Variants in DSCAM observed in about 807,000 individuals in gnomAD.
DSCAM encodes cell adhesion molecule DSCAM.
In DSCAM, 47 loss-of-function variants were observed where a neutral mutation model predicts 217.7. The ratio of observed to expected loss-of-function variants is 0.22; its 90% CI spans 0.17 to 0.28. The LOEUF is 0.28. Ranked by LOEUF, DSCAM falls within the 10% of genes least tolerant of loss-of-function variation. The pLI is 1.00. For missense variants in DSCAM, 2,080 were observed against 2,618.3 expected, an observed-to-expected ratio of 0.79 and a Z score of 4.49; for synonymous variants, 1,056 against 1,015.3, an observed-to-expected ratio of 1.04 and a Z score of -0.76.
At chr21:40,086,617 T>TTAAAAAGTTATATGGACAGACCA (rs2089535727) in intron 22 of DSCAM, among the ~76,000 whole-genome samples, 1 of 152,160 alleles carries the variant, frequency 6.6e-6, no homozygotes, top group Admixed American at 6.5e-5. Flanking sequence ...ATATAGCACT[T>TTAAAAAGTTATATGGACAGACCA]TAAAAAGTTA....
intron 1 of DSCAM, among the ~76,000 whole-genome samples, chr21:40,840,246 T>A (rs570209153): frequency 6.6e-6 from 1 of 152,166 alleles, no homozygotes; most frequent in Non-Finnish European, 1.5e-5. Context: ...AAAAAACCCA[T>A]AAATCCATAG....
chr21:40,684,365 C>G (rs180971013), intron 3 of DSCAM, among the ~76,000 whole-genome samples: 1 of 152,204 alleles, frequency 6.6e-6, no homozygotes, highest in Non-Finnish European at 1.5e-5. Flanking sequence ...GACGCGGTTG[C>G]TGAGGAGAGA....
intron 3 of DSCAM, among the ~76,000 whole-genome samples, chr21:40,672,390 T>C (rs1034084581): frequency 6.6e-6 from 1 of 152,182 alleles, no homozygotes; most frequent in Non-Finnish European, 1.5e-5. Flanking sequence ...CCTGTGTCTC[T>C]TTTTGCTTCA....
At chr21:40,083,333 G>C (rs1601313292) in intron 24 of DSCAM, among the ~76,000 whole-genome samples, 3 of 152,216 alleles carry the variant, frequency 2.0e-5, no homozygotes, top group Admixed American at 2.0e-4. Flanking sequence ...GGAGGTTGAG[G>C]CAGAAGAATC....
intron 3 of DSCAM, among the ~76,000 whole-genome samples, chr21:40,581,911 A>G (rs1196685453): frequency 6.6e-6 from 1 of 152,252 alleles, no homozygotes; most frequent in Non-Finnish European, 1.5e-5. Context: ...TTTCAATTCC[A>G]AAGTCAAATT....
At chr21:40,517,039 A>G (rs2076306422) in intron 3 of DSCAM, among the ~76,000 whole-genome samples, 1 of 147,798 alleles carries the variant, frequency 6.8e-6, no homozygotes, top group Non-Finnish European at 1.5e-5. Flanking sequence ...GTATATATAT[A>G]TATACCTTAT....
At chr21:40,782,017 A>G (rs1210881670) in intron 1 of DSCAM, among the ~76,000 whole-genome samples, 1 of 150,946 alleles carries the variant, frequency 6.6e-6, no homozygotes, top group Non-Finnish European at 1.5e-5. Flanking sequence ...AAAAGAAAAA[A>G]AAAATTAGCC....
At chr21:40,567,348 G>A (rs904920681) in intron 3 of DSCAM, among the ~76,000 whole-genome samples, 3 of 152,278 alleles carry the variant, frequency 2.0e-5, no homozygotes, top group Non-Finnish European at 4.4e-5. Flanking sequence ...TTGCTAAGAC[G>A]AAGGAAATGG....
At chr21:40,020,487 G>A (rs537634147) in intron 32 of DSCAM, among the ~76,000 whole-genome samples, 9 of 152,114 alleles carry the variant, frequency 5.9e-5, no homozygotes, top group African/African-American at 2.2e-4. Flanking sequence ...AAGACAGCAA[G>A]CAGGGCATAC....
chr21:40,119,308 G>A (rs2090006605), intron 20 of DSCAM, among the ~76,000 whole-genome samples: 1 of 152,276 alleles, frequency 6.6e-6, no homozygotes, highest in South Asian at 2.1e-4. Flanking sequence ...GTAGCTTGAA[G>A]GCTTCTGGTC....
chr21:40,741,220 T>C (rs372364261), intron 1 of DSCAM, among the ~76,000 whole-genome samples: 14 of 152,328 alleles, frequency 9.2e-5, no homozygotes, highest in African/African-American at 3.4e-4. Flanking sequence ...ATTTACTTCC[T>C]TGGTTTTCTA....
At chr21:40,640,279 T>G (rs2089861874) in intron 3 of DSCAM, among the ~76,000 whole-genome samples, 1 of 150,266 alleles carries the variant, frequency 6.7e-6, no homozygotes, top group Admixed American at 7.3e-5. Flanking sequence ...GCTCCATCCC[T>G]GACTTTCTCC....
At chr21:40,136,473 C>T (rs533215134) in intron 18 of DSCAM, among the ~76,000 whole-genome samples, 1 of 152,038 alleles carries the variant, frequency 6.6e-6, no homozygotes, top group East Asian at 1.9e-4. Context: ...AGAGCCAGAC[C>T]CTGTCTTTAA....
At chr21:40,502,176 T>A (rs1435037619) in intron 3 of DSCAM, among the ~76,000 whole-genome samples, 4 of 152,174 alleles carry the variant, frequency 2.6e-5, no homozygotes, top group Non-Finnish European at 2.9e-5. Flanking sequence ...GTACTGTGAC[T>A]TCATCATCAA....
chr21:40,735,734 G>T (rs540883107), intron 1 of DSCAM, among the ~76,000 whole-genome samples: 12 of 152,344 alleles, frequency 7.9e-5, no homozygotes, highest in African/African-American at 2.9e-4. Context: ...ACAGAGTCAT[G>T]ATTCAAACCC....
intron 3 of DSCAM, among the ~76,000 whole-genome samples, chr21:40,659,148 A>G (rs904679315): frequency 1.3e-5 from 2 of 152,196 alleles, no homozygotes; most frequent in African/African-American, 4.8e-5. Flanking sequence ...GTCAAAAAAA[A>G]TAGTCGTGTT....
chr21:40,731,246 C>T (rs2091007790), intron 1 of DSCAM, among the ~76,000 whole-genome samples: 1 of 152,118 alleles, frequency 6.6e-6, no homozygotes, highest in African/African-American at 2.4e-5. Flanking sequence ...TTTCATTAGT[C>T]ACTTAAACAC....
chr21:40,752,626 A>G (rs1452419291), intron 1 of DSCAM, among the ~76,000 whole-genome samples: 2 of 152,206 alleles, frequency 1.3e-5, no homozygotes, highest in African/African-American at 4.8e-5. Flanking sequence ...GTTTGAGGTC[A>G]CAGGGAGCCA....
At chr21:40,305,321 T>C (rs1275924836) in intron 9 of DSCAM, among the ~76,000 whole-genome samples, 3 of 143,840 alleles carry the variant, frequency 2.1e-5, no homozygotes, top group African/African-American at 5.3e-5. Flanking sequence ...ACCCGGAAGG[T>C]AGAGGTTGCA....
Sources: allele counts gnomAD v4.1 joint callset (sites outside exome capture counted in the v4.1 genomes callset), GRCh38; gene constraint gnomAD v4.1.1; transcripts MANE v1.5; gene names NCBI Gene and HGNC (gene_info 2026-07-23, HGNC 2026-07-21).